Variants in CD55 observed in about 807,000 individuals in gnomAD.
CD55 encodes CD55 molecule (Cromer blood group).
A neutral mutation model predicts 45.8 loss-of-function variants in CD55; 41 were observed. The observed-to-expected ratio is 0.90, with a 90% CI of 0.70 to 1.16. CD55 has a LOEUF of 1.16. CD55 is among the 50% of genes most tolerant of loss of function. The pLI is 0.00. For missense variants in CD55, 416 were observed against 469.8 expected (o/e 0.89, Z 1.06); for synonymous variants, 181 against 181.1 (o/e 1.00, Z 0.01).
chr1:207,338,820 C>A (rs1416750701), intron 8 of CD55, among the ~76,000 whole-genome samples: 2 of 152,120 alleles, frequency 1.3e-5, no homozygotes, highest in Non-Finnish European at 2.9e-5. Flanking sequence ...ACTTTTTCTG[C>A]TGAGTAATAT....
intron 9 of CD55, among the ~76,000 whole-genome samples, chr1:207,345,603 G>A (rs1309124384): frequency 6.6e-6 from 1 of 151,850 alleles, no homozygotes; most frequent in Non-Finnish European, 1.5e-5. Flanking sequence ...ATCTGTTGCT[G>A]GAGAATTATT....
At chr1:207,341,593 A>G (rs1172716019) in intron 9 of CD55, among the ~76,000 whole-genome samples, 1 of 152,104 alleles carries the variant, frequency 6.6e-6, no homozygotes, top group African/African-American at 2.4e-5. Context: ...TGGGTTCTCT[A>G]TTCTGTTCCA....
chr1:207,330,974 T>G lies in CD55; in HGVS notation c.665-134T>G, dbSNP rs1654916875. 4.4e-6 allele frequency: 3 copies of G among 685,642 alleles called. No homozygotes were observed. The South Asian group carries it at 6.5e-5, about 15-fold the overall frequency. 42.5% of individuals were successfully genotyped at this position (685,642 alleles called of 1,614,324 possible). On this transcript the variant is annotated intron_variant, in intron 5 of 9. Coordinates refer to ENST00000367064, the MANE Select transcript of CD55 (RefSeq NM_000574.5). ...TTAATAGGCATTTATAAGCATCTCT[T>G]GTTGGTAATGCTGAATTTAGAAAAA...
At chr1:207,340,312 T>C (rs1655366192) in intron 9 of CD55, 1 of 382,326 alleles carries the variant, frequency 2.6e-6, no homozygotes, top group Admixed American at 4.5e-5. Context: ...TTTTTATGGC[T>C]GAATGTATTT....
intron 6 of CD55, among the ~76,000 whole-genome samples, chr1:207,331,696 G>A (rs1353625379): frequency 6.6e-6 from 1 of 152,156 alleles, no homozygotes; most frequent in Non-Finnish European, 1.5e-5. Context: ...CAACAACTGG[G>A]AAACTCTTGC....
intron 9 of CD55, among the ~76,000 whole-genome samples, chr1:207,354,834 C>G (rs1430583029): frequency 6.6e-6 from 1 of 152,154 alleles, no homozygotes; most frequent in East Asian, 1.9e-4. Context: ...AACCATCAGC[C>G]TCTACACTTT....
At chr1:207,347,817 G>A (rs1404659284) in intron 9 of CD55, among the ~76,000 whole-genome samples, 1 of 152,182 alleles carries the variant, frequency 6.6e-6, no homozygotes, top group Non-Finnish European at 1.5e-5. Context: ...CCACTTATAG[G>A]TGAGAAGATG....
At chr1:207,322,125 A>C in intron 1 of CD55, 1 of 645,238 alleles carries the variant, frequency 1.5e-6, no homozygotes, top group Non-Finnish European at 2.9e-6. Context: ...GGAGCAGCCA[A>C]GCCTGGCAAA....
At chr1:207,322,267 A>G (rs955623046) in intron 1 of CD55, 115 bp from the exon 2 acceptor site, 2 of 887,404 alleles carry the variant, frequency 2.3e-6, no homozygotes, top group Non-Finnish European at 3.8e-6. Context: ...CGATGCTGCA[A>G]ACTTGCATGT....
Position 207,345,556 on chromosome 1 carries a change from C to A in CD55, c.1081+6139C>A, listed in dbSNP as rs111585062. Among the ~76,000 whole-genome samples, 834 of 152,008 alleles carry A rather than the reference C, an allele frequency of 5.5e-3. 7 individuals carry two copies. Among genetic ancestry groups the A allele is most frequent in the African/African-American group, 0.018 (757 of 41,430 alleles). ...TTTTTTAATATCACAACTTTGAATT[C>A]TTTTCCCAGAATTTTGTAAGTTTAC... On this transcript the variant is annotated intron_variant, in intron 9 of 9. Transcript: ENST00000367064.
intron 9 of CD55, among the ~76,000 whole-genome samples, chr1:207,357,970 C>T (rs990883459): frequency 2.0e-5 from 3 of 152,146 alleles, no homozygotes; most frequent in African/African-American, 7.2e-5. Flanking sequence ...CTCTCTCTCT[C>T]TCAAAATATC....
At chr1:207,347,903 G>A (rs1422837346) in intron 9 of CD55, among the ~76,000 whole-genome samples, 1 of 152,134 alleles carries the variant, frequency 6.6e-6, no homozygotes, top group Non-Finnish European at 1.5e-5. Context: ...TACTGCAAAG[G>A]ACATGATTTC....
intron 7 of CD55, chr1:207,337,044 T>A: frequency 1.6e-6 from 1 of 619,740 alleles, no homozygotes; most frequent in Non-Finnish European, 2.8e-6. Flanking sequence ...CTACCAACTC[T>A]TCAGAAACCC....
chr1:207,322,404 T>G lies in CD55; in HGVS notation c.123T>G (p.Asp41Glu), dbSNP rs2102372569. 1 of 1,614,188 alleles carries G rather than the reference T, an allele frequency of 6.2e-7. No individual in the cohort carries two copies. Among genetic ancestry groups the G allele is most frequent in the Non-Finnish European group, 8.5e-7 (1 of 1,179,986 alleles). Reference protein sequence around the residue: ...AVWGDCGLPPDVPNAQPALEG... With the variant: ...AVWGDCGLPPEVPNAQPALEG... Reference sequence around the variant, plus strand: ...TAGGTGACTGTGGCCTTCCCCCAGATGTACCTAATGCCCAGCCAGCTTTGG... The same window carrying G: ...TAGGTGACTGTGGCCTTCCCCCAGAGGTACCTAATGCCCAGCCAGCTTTGG... The change falls in exon 2 of 10, where the codon GAT becomes GAG. Residue 41 changes from aspartate (D) to glutamate (E), a missense_variant. Physicochemically the swap from Asp to Glu is conservative, Grantham distance 45. This residue lies in a region of CD55 where 123 missense variants were observed against 105.1 expected (regional missense o/e 1.17). Transcript: ENST00000367064.
chr1:207,335,971 C>T (rs1385826314), intron 6 of CD55, among the ~76,000 whole-genome samples: 4 of 152,238 alleles, frequency 2.6e-5, no homozygotes, highest in Middle Eastern at 3.4e-3. Context: ...CTCACTAATA[C>T]GTGGTGAAAT....
At chr1:207,344,789 T>C (rs898928452) in intron 9 of CD55, among the ~76,000 whole-genome samples, 2 of 152,044 alleles carry the variant, frequency 1.3e-5, no homozygotes, top group African/African-American at 4.8e-5. Flanking sequence ...CTCAGCTCAC[T>C]GCAGCCTCTG....
intron 9 of CD55, among the ~76,000 whole-genome samples, chr1:207,344,916 A>G (rs890029140): frequency 2.0e-5 from 3 of 152,078 alleles, no homozygotes; most frequent in Non-Finnish European, 4.4e-5. Context: ...GGGTTTCACC[A>G]TGTTGGCCAG....
chr1:207,336,604 A>G (rs2102406496), intron 6 of CD55, 89 bp from the exon 7 acceptor site: 1 of 1,453,912 alleles, frequency 6.9e-7, no homozygotes, highest in Non-Finnish European at 9.4e-7. Flanking sequence ...GGGAGAGAGA[A>G]AGGATAGCCA....
In CD55 at chr1:207,325,603, A is replaced by T. The variant is rs1452885764; in HGVS notation, c.479-19A>T. 1.3e-6 allele frequency: 2 copies of T among 1,507,642 alleles called. No individual in the cohort carries two copies. Among genetic ancestry groups the T allele is most frequent in the South Asian group, 2.3e-5 (2 of 87,214 alleles). 93.4% of individuals were successfully genotyped at this position (1,507,642 alleles called of 1,614,324 possible). On this transcript the variant is annotated intron_variant, in intron 3 of 9. Coordinates refer to ENST00000367064, the MANE Select transcript of CD55 (RefSeq NM_000574.5). The stretch of plus-strand genomic sequence containing the variant: ...CCTGATAATTTAATTTTAAAAAATC[A>T]ATTTGTATTCTATTCTAGAGAAATC...
Sources: allele counts gnomAD v4.1 joint callset (sites outside exome capture counted in the v4.1 genomes callset), GRCh38; gene constraint gnomAD v4.1.1; regional missense constraint gnomAD v4.1.1; transcripts MANE v1.5; gene names NCBI Gene and HGNC (gene_info 2026-07-23, HGNC 2026-07-21).